Variants in STXBP5L observed in about 807,000 individuals in gnomAD.
STXBP5L encodes the protein syntaxin-binding protein 5-like.
STXBP5L carries 65 observed loss-of-function variants against 144.5 expected under a neutral mutation model. That is an observed-to-expected ratio of 0.45 (90% CI 0.37 to 0.55). The LOEUF (loss-of-function observed/expected upper bound fraction) is 0.55. Among genes scored for constraint, STXBP5L ranks in the 20% least tolerant of loss-of-function variants. The probability of loss-of-function intolerance (pLI) is 0.00; values close to 1 mark genes in which losing one functional copy is unlikely to be tolerated. For missense variants in STXBP5L, 1,298 were observed against 1,405.5 expected (o/e 0.92, Z 1.22); for synonymous variants, 505 against 469.6 (o/e 1.08, Z -0.97).
chr3:121,388,007 C>A (rs894142178), intron 22 of STXBP5L, among the ~76,000 whole-genome samples: 1 of 152,228 alleles, frequency 6.6e-6, no homozygotes, highest in Admixed American at 6.5e-5. Context: ...TGGCCATTTT[C>A]ACAATATTGA....
intron 5 of STXBP5L, among the ~76,000 whole-genome samples, chr3:121,094,832 T>G (rs893168321): frequency 2.0e-5 from 3 of 152,184 alleles, no homozygotes; most frequent in Non-Finnish European, 2.9e-5. Flanking sequence ...TAGGTGGTTA[T>G]TTTGCTCGTT....
At chr3:121,156,982 G>C (rs915840405) in intron 8 of STXBP5L, among the ~76,000 whole-genome samples, 5 of 151,960 alleles carry the variant, frequency 3.3e-5, no homozygotes, top group Non-Finnish European at 7.4e-5. Context: ...AATTACTTTT[G>C]AATCTTATCT....
chr3:120,969,633 G>A lies in STXBP5L; in HGVS notation c.287+14596G>A, dbSNP rs759702432. 1.3e-3 allele frequency among the ~76,000 whole-genome samples: 195 copies of A among 151,820 alleles called. 2 individuals are homozygous for A. The highest frequency in any genetic ancestry group is 0.01 in the Middle Eastern group (3 of 294). ...ATTCTTGCCTAAGTCAATGTCTTGA[G>A]GAGTTTTTCCAAAGTTATCTTGTAG... On this transcript the variant is annotated intron_variant, in intron 3 of 26. Transcript: ENST00000471454.
At chr3:121,293,964 C>A (rs187064712) in intron 19 of STXBP5L, among the ~76,000 whole-genome samples, 2 of 152,016 alleles carry the variant, frequency 1.3e-5, no homozygotes, top group Admixed American at 6.6e-5. Context: ...CATAGTCATG[C>A]GGAAGAGAAA....
At chr3:121,086,293 T>C (rs1449067460) in intron 5 of STXBP5L, among the ~76,000 whole-genome samples, 2 of 152,142 alleles carry the variant, frequency 1.3e-5, no homozygotes, top group Non-Finnish European at 2.9e-5. Flanking sequence ...TTTTTAAAAA[T>C]TTTATTGTGA....
intron 3 of STXBP5L, among the ~76,000 whole-genome samples, chr3:121,004,855 A>G (rs1483846148): frequency 6.6e-6 from 1 of 152,180 alleles, no homozygotes; most frequent in Admixed American, 6.6e-5. Context: ...GATTACGTTT[A>G]TTGATTTGCA....
intron 5 of STXBP5L, among the ~76,000 whole-genome samples, chr3:121,090,635 GA>G (rs2042732899): frequency 6.6e-6 from 1 of 152,060 alleles, no homozygotes; most frequent in Admixed American, 6.6e-5. Context: ...ATACAGATCT[GA>G]ATTGTCTAAA....
chr3:121,284,293 C>G (rs1430307186), intron 19 of STXBP5L, among the ~76,000 whole-genome samples: 1 of 151,864 alleles, frequency 6.6e-6, no homozygotes, highest in Non-Finnish European at 1.5e-5. Flanking sequence ...ATCTTACTAC[C>G]ATTATGTTTT....
intron 15 of STXBP5L, among the ~76,000 whole-genome samples, chr3:121,253,508 T>G (rs1313820548): frequency 6.6e-6 from 1 of 151,746 alleles, no homozygotes; most frequent in Non-Finnish European, 1.5e-5. Flanking sequence ...ACTTCAGTCA[T>G]CAAAACCAGT....
intron 7 of STXBP5L, among the ~76,000 whole-genome samples, chr3:121,140,339 A>G (rs187474072): frequency 7.9e-5 from 12 of 152,276 alleles, no homozygotes; most frequent in Non-Finnish European, 1.3e-4. Context: ...AGATTCCTCA[A>G]ATTAAAAATA....
intron 3 of STXBP5L, among the ~76,000 whole-genome samples, chr3:121,007,957 G>GA (rs1944473034): frequency 6.6e-6 from 1 of 151,880 alleles, no homozygotes; most frequent in Non-Finnish European, 1.5e-5. Flanking sequence ...AGAGTTAGTG[G>GA]AAAAAACTAT....
chr3:121,264,115 T>C (rs2108399553), intron 18 of STXBP5L, among the ~76,000 whole-genome samples: 1 of 152,310 alleles, frequency 6.6e-6, no homozygotes, highest in African/African-American at 2.4e-5. Flanking sequence ...AGGATCTCTC[T>C]GCAGAAACCT....
chr3:121,199,696 T>A (rs1322677972), intron 9 of STXBP5L, among the ~76,000 whole-genome samples: 1 of 152,228 alleles, frequency 6.6e-6, no homozygotes, highest in Non-Finnish European at 1.5e-5. Context: ...CATGAAAGGA[T>A]GTTGAATTTG....
At chr3:121,005,473 T>G (rs1559987590) in intron 3 of STXBP5L, among the ~76,000 whole-genome samples, 1 of 152,214 alleles carries the variant, frequency 6.6e-6, no homozygotes, top group Admixed American at 6.5e-5. Context: ...TAGCGGTCTA[T>G]CAATTTTGTT....
chr3:120,925,441 G>A (rs954546553), intron 2 of STXBP5L, among the ~76,000 whole-genome samples: 1 of 152,042 alleles, frequency 6.6e-6, no homozygotes, highest in Non-Finnish European at 1.5e-5. Context: ...TATAGTCTTT[G>A]ATTTGTAGTG....
At chr3:120,977,570 A>T (rs1941217547) in intron 3 of STXBP5L, among the ~76,000 whole-genome samples, 1 of 152,086 alleles carries the variant, frequency 6.6e-6, no homozygotes, top group South Asian at 2.1e-4. Context: ...GTTATGTGTG[A>T]ATTTGATCCT....
At chr3:121,127,702 G>C (rs1363240413) in intron 7 of STXBP5L, among the ~76,000 whole-genome samples, 1 of 151,820 alleles carries the variant, frequency 6.6e-6, no homozygotes, top group Non-Finnish European at 1.5e-5. Flanking sequence ...CACATTCTGA[G>C]GTTCTGGGTG....
chr3:121,252,367 A>T (rs1187440078), intron 15 of STXBP5L, among the ~76,000 whole-genome samples: 1 of 140,892 alleles, frequency 7.1e-6, no homozygotes, highest in East Asian at 2.2e-4. Context: ...CTCCATCTCC[A>T]AAAAGAAAAA....
At chr3:121,305,289 G>A (rs984337198) in intron 19 of STXBP5L, among the ~76,000 whole-genome samples, 1 of 152,096 alleles carries the variant, frequency 6.6e-6, no homozygotes, top group South Asian at 2.1e-4. Flanking sequence ...AATAAAAGAA[G>A]AAGGAAATCT....
Sources: allele counts gnomAD v4.1 joint callset (sites outside exome capture counted in the v4.1 genomes callset), GRCh38; gene constraint gnomAD v4.1.1; transcripts MANE v1.5; gene names NCBI Gene and HGNC (gene_info 2026-07-23, HGNC 2026-07-21).